Variants in IL15 observed in about 807,000 individuals in gnomAD.
IL15 encodes the protein interleukin 15, also known as interleukin-15.
IL15 carries 11 observed loss-of-function variants against 19.6 expected under a neutral mutation model. That is an observed-to-expected ratio of 0.56 (90% CI 0.35 to 0.93). The LOEUF is 0.93. Among genes scored for constraint, IL15 ranks in the 40% least tolerant of loss-of-function variants. The pLI, the probability that IL15 is intolerant of heterozygous loss-of-function variation, is 0.01. For synonymous variants in IL15, 58 were observed against 59.6 expected (o/e 0.97, Z 0.12); for missense variants, 197 against 186.5 (o/e 1.06, Z -0.33).
chr4:141,643,063 A>G (rs564961544), intron 1 of IL15, among the ~76,000 whole-genome samples: 26 of 152,330 alleles, frequency 1.7e-4, no homozygotes, highest in South Asian at 1.0e-3. Flanking sequence ...TAGGGAAATT[A>G]GTTTGAGGTA....
chr4:141,638,861 C>T (rs1470701780), intron 1 of IL15, among the ~76,000 whole-genome samples: 1 of 152,094 alleles, frequency 6.6e-6, no homozygotes, highest in Admixed American at 6.5e-5. Context: ...GGGTCTCTGA[C>T]CCAAAAGAGT....
intron 1 of IL15, among the ~76,000 whole-genome samples, chr4:141,643,477 C>T (rs114923400): frequency 2.1e-3 from 325 of 152,308 alleles, no homozygotes; most frequent in African/African-American, 7.0e-3. Flanking sequence ...GTACCACGAA[C>T]ATCCCTTTTA....
chr4:141,658,983 C>A (rs929265390), intron 2 of IL15, among the ~76,000 whole-genome samples: 1 of 151,768 alleles, frequency 6.6e-6, no homozygotes, highest in Non-Finnish European at 1.5e-5. Flanking sequence ...CCTCAGCCTC[C>A]TGAGTAGCTG....
intron 2 of IL15, among the ~76,000 whole-genome samples, chr4:141,688,487 G>T (rs1199935157): frequency 6.6e-6 from 1 of 152,140 alleles, no homozygotes; most frequent in South Asian, 2.1e-4. Flanking sequence ...GTATACAAGA[G>T]TGCTATAATT....
At chr4:141,697,972 T>G (rs115525778) in intron 2 of IL15, among the ~76,000 whole-genome samples, 312 of 152,246 alleles carry the variant, frequency 2.0e-3, no homozygotes, top group African/African-American at 6.9e-3. Flanking sequence ...TGCCTGTGGG[T>G]TTGTCATATA....
chr4:141,723,074 G>A (rs950956400), intron 5 of IL15, among the ~76,000 whole-genome samples: 1 of 152,100 alleles, frequency 6.6e-6, no homozygotes, highest in Non-Finnish European at 1.5e-5. Flanking sequence ...GTAAAAGAGA[G>A]AGATTGGTTG....
At chr4:141,699,282 A>T (rs555559774) in intron 2 of IL15, among the ~76,000 whole-genome samples, 25 of 152,288 alleles carry the variant, frequency 1.6e-4, no homozygotes, top group African/African-American at 5.8e-4. Context: ...CCATGTGCTG[A>T]TGAGAAGAAT....
At chr4:141,674,742 C>G (rs1218640721) in intron 2 of IL15, among the ~76,000 whole-genome samples, 6 of 152,000 alleles carry the variant, frequency 3.9e-5, no homozygotes, top group Non-Finnish European at 7.4e-5. Context: ...TGCAATGTGC[C>G]TCCTAAAAAT....
In IL15 at chr4:141,723,800, T is replaced by A. The variant is rs556543507; in HGVS notation, c.195+1792T>A. 2.0e-5 allele frequency among the ~76,000 whole-genome samples: 3 copies of A among 152,288 alleles called. No individual in the cohort carries two copies. In the South Asian group the frequency reaches 6.2e-4, roughly 32 times the overall value. ...TAAATCTGTGAGGAAAACATAATGT[T>A]CTTAAATGTATACACATCAAACAAC... On this transcript the variant is annotated intron_variant, in intron 5 of 7. Coordinates refer to ENST00000320650, the MANE Select transcript of IL15 (RefSeq NM_000585.5).
chr4:141,713,805 A>G (rs183827537), intron 2 of IL15, among the ~76,000 whole-genome samples: 185 of 152,244 alleles, frequency 1.2e-3, no homozygotes, highest in African/African-American at 4.3e-3. Context: ...AATTTCCTGG[A>G]CAAATCTCCC....
intron 1 of IL15, among the ~76,000 whole-genome samples, chr4:141,639,443 A>C (rs1458356393): frequency 6.6e-6 from 1 of 152,214 alleles, no homozygotes; most frequent in Non-Finnish European, 1.5e-5. Context: ...ATATTGGAGA[A>C]ATTTCCTTTA....
At chr4:141,661,224 G>A (rs1006017099) in intron 2 of IL15, among the ~76,000 whole-genome samples, 5 of 152,182 alleles carry the variant, frequency 3.3e-5, no homozygotes, top group African/African-American at 1.2e-4. Flanking sequence ...ATGAGAGTGT[G>A]GAGGAGCCAC....
intron 1 of IL15, among the ~76,000 whole-genome samples, chr4:141,644,860 T>C (rs898020384): frequency 1.3e-5 from 2 of 152,188 alleles, no homozygotes; most frequent in Non-Finnish European, 2.9e-5. Context: ...AGAGCCGGCA[T>C]ATATCCCAAG....
chr4:141,690,485 T>A (rs1208943602), intron 2 of IL15, among the ~76,000 whole-genome samples: 1 of 152,232 alleles, frequency 6.6e-6, no homozygotes, highest in Non-Finnish European at 1.5e-5. Context: ...TCTTCTCCCT[T>A]GTCCTGCATA....
intron 2 of IL15, chr4:141,715,650 G>C (rs938444115): frequency 6.6e-6 from 1 of 152,060 alleles, no homozygotes; most frequent in African/African-American, 2.4e-5. Flanking sequence ...TTTACTAAAT[G>C]AATCAAGGAA....
intron 2 of IL15, chr4:141,718,926 A>G (rs937819270): frequency 1.3e-5 from 2 of 152,240 alleles, no homozygotes; most frequent in South Asian, 2.1e-4. Flanking sequence ...AAATTCTCAA[A>G]TGATTAACAA....
chr4:141,678,539 C>T (rs113180792), intron 2 of IL15, among the ~76,000 whole-genome samples: 3 of 148,990 alleles, frequency 2.0e-5, no homozygotes, highest in African/African-American at 7.4e-5. Flanking sequence ...ATGGATTTTT[C>T]TGAAGCAGAA....
chr4:141,664,342 A>AACACACACACACACACAC (rs35153516), intron 2 of IL15, among the ~76,000 whole-genome samples: 6 of 130,950 alleles, frequency 4.6e-5, no homozygotes, highest in Non-Finnish European at 9.6e-5. Context: ...TGGTGGGCAA[A>AACACACACACACACACAC]ACACACACAC....
chr4:141,676,302 T>C (rs1045637055), intron 2 of IL15, among the ~76,000 whole-genome samples: 2 of 152,204 alleles, frequency 1.3e-5, no homozygotes, highest in South Asian at 4.1e-4. Flanking sequence ...CTTTTGCTTT[T>C]ACAAGACAAC....
Sources: gnomAD v4.1 joint callset for allele counts (sites outside exome capture counted in the v4.1 genomes callset) on GRCh38, gnomAD v4.1.1 for gene constraint, MANE v1.5 for transcripts, NCBI Gene and HGNC (gene_info 2026-07-23, HGNC 2026-07-21) for gene names.